Variants in CRYBG1 observed in about 807,000 individuals in gnomAD.
CRYBG1 encodes crystallin beta-gamma domain containing 1, also known as beta/gamma crystallin domain-containing protein 1.
Under a neutral mutation model 189.2 loss-of-function variants are expected in CRYBG1, and 139 were observed. The observed-to-expected ratio is 0.73, with a 90% CI of 0.64 to 0.85. The LOEUF is 0.85. CRYBG1 is among the 40% of genes least tolerant of loss of function. The pLI is 0.00. For synonymous variants in CRYBG1, 1,023 were observed against 1,017.1 expected (o/e 1.01, Z -0.11); for missense variants, 2,611 against 2,675.8 (o/e 0.98, Z 0.53).
chr6:106,450,436 A>G (rs1203938470), intron 1 of CRYBG1, among the ~76,000 whole-genome samples: 1 of 152,024 alleles, frequency 6.6e-6, no homozygotes, highest in Non-Finnish European at 1.5e-5. Context: ...TTCTCTTTCT[A>G]CTTTACTGGC....
chr6:106,529,205 C>A (rs1773820164), intron 7 of CRYBG1, among the ~76,000 whole-genome samples: 1 of 152,196 alleles, frequency 6.6e-6, no homozygotes, highest in Non-Finnish European at 1.5e-5. Flanking sequence ...CTAGGCCTCC[C>A]AAAGGGCTGA....
At chr6:106,562,719 C>A (rs1343910491) in intron 20 of CRYBG1, among the ~76,000 whole-genome samples, 2 of 152,190 alleles carry the variant, frequency 1.3e-5, no homozygotes, top group Non-Finnish European at 2.9e-5. Flanking sequence ...GATCTCCTGA[C>A]CTCGTGATCC....
intron 2 of CRYBG1, among the ~76,000 whole-genome samples, chr6:106,471,649 C>T (rs1220784304): frequency 6.6e-6 from 1 of 152,058 alleles, no homozygotes; most frequent in Non-Finnish European, 1.5e-5. Flanking sequence ...GGCTGCAGCA[C>T]TAACAACAAG....
Position 106,512,973 on chromosome 6 carries a change from CCGACGGCTTGAA to C in CRYBG1, c.1857_1868del (p.Asp620_Lys623del), listed in dbSNP as rs953148758. On this transcript the variant is annotated inframe_deletion, in exon 3 of 22. Coordinates refer to ENST00000633556, the MANE Select transcript of CRYBG1 (RefSeq NM_001371242.2). ...GCCGGAGCGCCTGGAGCTTCTGACG[CCGACGGCTTGAA>C]GCCCAGGAACCATTTCGGCGTGGGC... 6 of 1,611,094 alleles carry C rather than the reference CCGACGGCTTGAA, an allele frequency of 3.7e-6. No individual in the cohort carries two copies. In the African/African-American group the frequency reaches 6.7e-5, roughly 18 times the overall value.
At chr6:106,397,452 G>C (rs1422577396) in intron 1 of CRYBG1, among the ~76,000 whole-genome samples, 1 of 152,206 alleles carries the variant, frequency 6.6e-6, no homozygotes, top group East Asian at 1.9e-4. Flanking sequence ...CATTGTTTTA[G>C]AAATTGCATC....
At chr6:106,537,576 A>G (rs973478018) in intron 8 of CRYBG1, among the ~76,000 whole-genome samples, 2 of 152,134 alleles carry the variant, frequency 1.3e-5, no homozygotes, top group Non-Finnish European at 2.9e-5. Flanking sequence ...TTTTTTCCTT[A>G]AGGTAACTTT....
chr6:106,396,319 G>C (rs571001363), intron 1 of CRYBG1, among the ~76,000 whole-genome samples: 2 of 152,054 alleles, frequency 1.3e-5, no homozygotes, highest in Admixed American at 6.6e-5. Flanking sequence ...TTTGACTACT[G>C]TTTCAGTGTA....
chr6:106,410,934 A>G (rs772127403), intron 1 of CRYBG1, among the ~76,000 whole-genome samples: 3 of 152,168 alleles, frequency 2.0e-5, no homozygotes, highest in Non-Finnish European at 2.9e-5. Context: ...GGTGCAGCAA[A>G]CCACCATGGC....
chr6:106,513,928 G>C (rs1773357643), intron 3 of CRYBG1, among the ~76,000 whole-genome samples: 1 of 152,168 alleles, frequency 6.6e-6, no homozygotes, highest in African/African-American at 2.4e-5. Flanking sequence ...TATTGTGCTA[G>C]TCACTGTGGG....
At chr6:106,364,590 C>T (rs1771945328) in intron 1 of CRYBG1, among the ~76,000 whole-genome samples, 1 of 152,156 alleles carries the variant, frequency 6.6e-6, no homozygotes, top group South Asian at 2.1e-4. Flanking sequence ...CCTCCTGAGT[C>T]AGCCCCATCC....
intron 7 of CRYBG1, 100 bp from the exon 8 acceptor site, chr6:106,530,076 A>G (rs1420749141): frequency 8.9e-7 from 1 of 1,128,606 alleles, no homozygotes; most frequent in Non-Finnish European, 1.2e-6. Context: ...TGTAAATTTA[A>G]AGCTCATTTT....
At chr6:106,416,498 A>G (rs1771023633) in intron 1 of CRYBG1, among the ~76,000 whole-genome samples, 1 of 152,206 alleles carries the variant, frequency 6.6e-6, no homozygotes. Context: ...ATGGGGCCTG[A>G]CAGTTGCTAG....
chr6:106,525,490 GA>G (rs1174665182), intron 6 of CRYBG1, 104 bp downstream of exon 6: 2 of 856,794 alleles, frequency 2.3e-6, no homozygotes, highest in Non-Finnish European at 4.0e-6. Context: ...CTTTAGCAAT[GA>G]AAAGCACAGG....
chr6:106,551,796 T>G (rs1774410141), intron 13 of CRYBG1, 56 bp from the exon 14 acceptor site: 5 of 1,550,034 alleles, frequency 3.2e-6, no homozygotes, highest in Non-Finnish European at 4.4e-6. Flanking sequence ...TCCAAATATG[T>G]GATCGTTTTA....
intron 1 of CRYBG1, among the ~76,000 whole-genome samples, chr6:106,436,097 C>T (rs1771447762): frequency 6.6e-6 from 1 of 151,954 alleles, no homozygotes; most frequent in Admixed American, 6.6e-5. Context: ...TTTAAGCTTC[C>T]CTGAGGAACC....
At chr6:106,461,168 C>T (rs887474497) in intron 2 of CRYBG1, among the ~76,000 whole-genome samples, 7 of 152,162 alleles carry the variant, frequency 4.6e-5, no homozygotes, top group Non-Finnish European at 1.5e-5. Context: ...GCATCAGGAA[C>T]TGAAAGCATT....
At chr6:106,387,176 G>A (rs2114329799) in intron 1 of CRYBG1, among the ~76,000 whole-genome samples, 1 of 152,262 alleles carries the variant, frequency 6.6e-6, no homozygotes, top group Middle Eastern at 3.4e-3. Flanking sequence ...AGGATCTGAT[G>A]TGCAAATTAA....
At chr6:106,431,096 A>G (rs1042688025) in intron 1 of CRYBG1, among the ~76,000 whole-genome samples, 1 of 152,000 alleles carries the variant, frequency 6.6e-6, no homozygotes, top group Non-Finnish European at 1.5e-5. Context: ...TCCTGACCTC[A>G]AGTGATCCAC....
At chr6:106,434,440 G>T (rs983958146) in intron 1 of CRYBG1, among the ~76,000 whole-genome samples, 13 of 152,092 alleles carry the variant, frequency 8.5e-5, no homozygotes, top group African/African-American at 3.1e-4. Context: ...TCCAGGATTG[G>T]ATAAACTTGA....
Sources: allele counts gnomAD v4.1 joint callset (sites outside exome capture counted in the v4.1 genomes callset), GRCh38; gene constraint gnomAD v4.1.1; transcripts MANE v1.5; gene names NCBI Gene and HGNC (gene_info 2026-07-23, HGNC 2026-07-21).